The following P2RY12 variants were observed in gnomAD, a reference collection of about 807,000 sequenced individuals.
The protein encoded by P2RY12 is P2Y purinoceptor 12.
A neutral mutation model predicts 4.5 loss-of-function variants in P2RY12; 3 were observed. The ratio of observed to expected loss-of-function variants is 0.67; its 90% CI spans 0.31 to 1.74. P2RY12 has a LOEUF of 1.74. Ranked by LOEUF, P2RY12 falls within the 40% of genes most tolerant of loss-of-function variation. The pLI, the probability that P2RY12 is intolerant of heterozygous loss-of-function variation, is 0.09. For missense variants in P2RY12, 356 were observed against 407.8 expected, an observed-to-expected ratio of 0.87 and a Z score of 1.09; for synonymous variants, 148 against 154.1, an observed-to-expected ratio of 0.96 and a Z score of 0.29.
chr3:151,357,505 C>A, intron 1 of P2RY12: 1 of 775,298 alleles, frequency 1.3e-6, no homozygotes, highest in Non-Finnish European at 1.9e-6. Context: ...TTAAAGAACA[C>A]TCTTGCCAGA....
intron 1 of P2RY12, among the ~76,000 whole-genome samples, chr3:151,375,053 T>C (rs568826786): frequency 2.0e-5 from 3 of 152,368 alleles, no homozygotes; most frequent in African/African-American, 4.8e-5. Flanking sequence ...GATAGCTACA[T>C]AGTCATATAA....
intron 1 of P2RY12, chr3:151,356,132 G>T (rs1753886669): frequency 1.5e-6 from 2 of 1,310,400 alleles, no homozygotes; most frequent in South Asian, 3.0e-5. Context: ...GGGCACAGTG[G>T]CTTGTGCTTG....
chr3:151,375,124 G>A (rs1181131988), intron 1 of P2RY12, among the ~76,000 whole-genome samples: 2 of 152,198 alleles, frequency 1.3e-5, no homozygotes, highest in East Asian at 3.8e-4. Context: ...ATCAGCTGGG[G>A]CATTTAAAAC....
chr3:151,351,433 A>G (rs190702123), intron 1 of P2RY12, among the ~76,000 whole-genome samples: 4 of 152,258 alleles, frequency 2.6e-5, no homozygotes, highest in African/African-American at 9.6e-5. Context: ...GCTTTGAAAT[A>G]CCTCAGCTCT....
At chr3:151,380,701 A>AACTTT (rs1712135991) in intron 1 of P2RY12, among the ~76,000 whole-genome samples, 1 of 152,192 alleles carries the variant, frequency 6.6e-6, no homozygotes. Context: ...TAGACACCAC[A>AACTTT]AGATTAACAA....
At chr3:151,362,782 T>C (rs1754779803) in intron 1 of P2RY12, among the ~76,000 whole-genome samples, 1 of 152,172 alleles carries the variant, frequency 6.6e-6, no homozygotes, top group Non-Finnish European at 1.5e-5. Flanking sequence ...ATTAATAAAG[T>C]GTGAAAATAT....
At chr3:151,383,395 A>G (rs982699781) in intron 1 of P2RY12, among the ~76,000 whole-genome samples, 2 of 152,266 alleles carry the variant, frequency 1.3e-5, no homozygotes, top group Non-Finnish European at 2.9e-5. Flanking sequence ...TAGATTCAAT[A>G]GTAATTGTAC....
At chr3:151,347,628 G>C (rs1244523298) in intron 1 of P2RY12, among the ~76,000 whole-genome samples, 1 of 152,134 alleles carries the variant, frequency 6.6e-6, no homozygotes, top group Non-Finnish European at 1.5e-5. Context: ...ACAGCAAAGG[G>C]AGGAAGTGCC....
chr3:151,365,763 G>A, intron 1 of P2RY12: 2 of 1,194,800 alleles, frequency 1.7e-6, no homozygotes, highest in Non-Finnish European at 2.3e-6. Flanking sequence ...TTTGATGTTA[G>A]TGAAATATAT....
chr3:151,360,291 A>G (rs1222202414), intron 1 of P2RY12, among the ~76,000 whole-genome samples: 1 of 152,060 alleles, frequency 6.6e-6, no homozygotes, highest in African/African-American at 2.4e-5. Flanking sequence ...TTTAAAATCT[A>G]TTTCAGTGTC....
At chr3:151,355,009 G>T (rs1310152045) in intron 1 of P2RY12, 11 of 753,064 alleles carry the variant, frequency 1.5e-5, no homozygotes. Context: ...GAAATTCATA[G>T]AATTTGTGCA....
intron 1 of P2RY12, chr3:151,372,870 T>A (rs1756365477): frequency 1.3e-5 from 10 of 778,588 alleles, no homozygotes; most frequent in Middle Eastern, 3.6e-4. Context: ...CCTTTTTTTC[T>A]TGCTCACTTT....
chr3:151,355,162 A>T, intron 1 of P2RY12: 1 of 1,614,040 alleles, frequency 6.2e-7, no homozygotes, highest in African/African-American at 1.3e-5. Flanking sequence ...CAAACAGGAG[A>T]CATTTCCAAC....
At chr3:151,366,191 T>G (rs1240369582) in intron 1 of P2RY12, among the ~76,000 whole-genome samples, 1 of 152,212 alleles carries the variant, frequency 6.6e-6, no homozygotes, top group Non-Finnish European at 1.5e-5. Flanking sequence ...ATAAATAGAA[T>G]GCATAGTTTA....
chr3:151,375,537 G>A (rs1756729020), intron 1 of P2RY12, among the ~76,000 whole-genome samples: 1 of 152,096 alleles, frequency 6.6e-6, no homozygotes, highest in Non-Finnish European at 1.5e-5. Context: ...AAAAAGAGAT[G>A]TGCACTACTA....
intron 1 of P2RY12, chr3:151,377,054 G>T (rs1756940145): frequency 1.2e-6 from 2 of 1,614,088 alleles, no homozygotes; most frequent in South Asian, 2.2e-5. Flanking sequence ...AACAATAGAG[G>T]TATTCCAGCA....
At chr3:151,367,552 C>G in intron 1 of P2RY12, 4 of 1,139,106 alleles carry the variant, frequency 3.5e-6, no homozygotes, top group Non-Finnish European at 4.9e-6. Flanking sequence ...GATTTGAGAT[C>G]TTATTGGTAT....
At chr3:151,355,197 C>G (rs1753757369) in intron 1 of P2RY12, 10 of 1,613,830 alleles carry the variant, frequency 6.2e-6, no homozygotes, top group Non-Finnish European at 8.5e-6. Context: ...TCACTAAACT[C>G]CAGCTCCTTT....
chr3:151,372,216 A>G (rs149845121), intron 1 of P2RY12, among the ~76,000 whole-genome samples: 3 of 152,338 alleles, frequency 2.0e-5, no homozygotes, highest in South Asian at 2.1e-4. Flanking sequence ...TTCCTTGTCT[A>G]TAAGTCAAAT....
Sources: allele counts gnomAD v4.1 joint callset (sites outside exome capture counted in the v4.1 genomes callset), GRCh38; gene constraint gnomAD v4.1.1; transcripts MANE v1.5; gene names NCBI Gene and HGNC (gene_info 2026-07-23, HGNC 2026-07-21).